CTNNA3: variants seen among roughly 807,000 people sequenced by gnomAD.
CTNNA3 encodes the protein catenin alpha 3, also known as catenin alpha-3.
A neutral mutation model predicts 95.7 loss-of-function variants in CTNNA3; 76 were observed. The observed-to-expected ratio is 0.79, with a 90% CI of 0.66 to 0.96. The LOEUF (loss-of-function observed/expected upper bound fraction) is 0.96. Among genes scored for constraint, CTNNA3 ranks in the 40% least tolerant of loss-of-function variants. The pLI, the probability that CTNNA3 is intolerant of heterozygous loss-of-function variation, is 0.00. For synonymous variants in CTNNA3, 431 were observed against 374.4 expected, an observed-to-expected ratio of 1.15 and a Z score of -1.74; for missense variants, 1,191 against 1,089.8, an observed-to-expected ratio of 1.09 and a Z score of -1.31.
intron 9 of CTNNA3, among the ~76,000 whole-genome samples, chr10:66,746,650 C>T (rs573724910): frequency 6.6e-6 from 1 of 152,300 alleles, no homozygotes; most frequent in South Asian, 2.1e-4. Flanking sequence ...GGTTCACTCA[C>T]TACAATAGGT....
intron 5 of CTNNA3, among the ~76,000 whole-genome samples, chr10:67,478,147 T>G (rs1848088320): frequency 6.6e-6 from 1 of 152,176 alleles, no homozygotes; most frequent in Non-Finnish European, 1.5e-5. Context: ...AAAAAACTAT[T>G]TTTAAAAATG....
At chr10:67,262,515 C>A (rs746055639) in intron 5 of CTNNA3, among the ~76,000 whole-genome samples, 29 of 152,138 alleles carry the variant, frequency 1.9e-4, no homozygotes, top group Non-Finnish European at 3.8e-4. Context: ...AATACTAAAT[C>A]ATAAGGGTAT....
rs534912707 is a variant in CTNNA3, at chr10:66,287,412, T to C, written c.1733-6791A>G. 4.6e-5 allele frequency among the ~76,000 whole-genome samples: 7 copies of C among 152,208 alleles called. 1 individual carries two copies. In the South Asian group the frequency reaches 1.5e-3, roughly 32 times the overall value. On this transcript the variant is annotated intron_variant, in intron 12 of 17. Coordinates refer to ENST00000433211, the MANE Select transcript of CTNNA3 (RefSeq NM_013266.4). ...CTCTCAAAGTATAAACTCTGTCAGG[T>C]CACTTTGTTTCCTCAGGAAAGTAGT...
chr10:65,997,334 C>T lies in CTNNA3; in HGVS notation c.2160-8537G>A, dbSNP rs1245894542. On this transcript the variant is annotated intron_variant, in intron 15 of 17. Transcript: ENST00000433211. ...AAGAAGTACTGAAATGACGTGATAT[C>T]TGTTGATCTAAAATAATCCAGCCAA... 2.6e-5 allele frequency among the ~76,000 whole-genome samples: 4 copies of T among 152,314 alleles called. No individual in the cohort carries two copies. In the South Asian group the frequency reaches 8.3e-4, roughly 32 times the overall value.
chr10:66,190,457 G>T (rs1299074188), intron 13 of CTNNA3, among the ~76,000 whole-genome samples: 2 of 152,090 alleles, frequency 1.3e-5, no homozygotes, highest in Non-Finnish European at 2.9e-5. Flanking sequence ...GAGTGCCATT[G>T]ACATCAGTCT....
At chr10:66,395,418 G>A (rs932201570) in intron 11 of CTNNA3, among the ~76,000 whole-genome samples, 3 of 151,742 alleles carry the variant, frequency 2.0e-5, no homozygotes, top group South Asian at 2.1e-4. Flanking sequence ...TGCCCAAATC[G>A]GTATCATTCA....
intron 10 of CTNNA3, among the ~76,000 whole-genome samples, chr10:66,567,567 CATT>C (rs1842750700): frequency 6.6e-6 from 1 of 151,964 alleles, no homozygotes; most frequent in African/African-American, 2.4e-5. Flanking sequence ...TGCGGTGAAT[CATT>C]ATTGCATCTC....
intron 5 of CTNNA3, among the ~76,000 whole-genome samples, chr10:67,472,320 A>G (rs1847858247): frequency 6.6e-6 from 1 of 152,172 alleles, no homozygotes; most frequent in South Asian, 2.1e-4. Context: ...TATCTGTTCT[A>G]TCTTAGATAA....
chr10:66,484,398 T>C (rs1257889982), intron 11 of CTNNA3, among the ~76,000 whole-genome samples: 2 of 152,006 alleles, frequency 1.3e-5, no homozygotes, highest in African/African-American at 2.4e-5. Context: ...GTTTACAAAA[T>C]TTCATTTTTT....
At chr10:67,310,784 C>G (rs1380275216) in intron 5 of CTNNA3, among the ~76,000 whole-genome samples, 1 of 152,096 alleles carries the variant, frequency 6.6e-6, no homozygotes, top group Non-Finnish European at 1.5e-5. Context: ...AGGGTAACTG[C>G]CCCCATGATT....
At chr10:66,621,864 G>A in intron 9 of CTNNA3, 80 bp from the exon 10 acceptor site, 2 of 663,754 alleles carry the variant, frequency 3.0e-6, no homozygotes, top group South Asian at 5.0e-5. Context: ...ACAAGAACAT[G>A]TACACATTCA....
chr10:66,615,375 C>A (rs1019895486), intron 10 of CTNNA3, among the ~76,000 whole-genome samples: 4 of 151,930 alleles, frequency 2.6e-5, no homozygotes, highest in Non-Finnish European at 5.9e-5. Flanking sequence ...CCCCATATCA[C>A]GCTACTGACT....
At chr10:67,325,307 T>A (rs1356604696) in intron 5 of CTNNA3, among the ~76,000 whole-genome samples, 2 of 152,194 alleles carry the variant, frequency 1.3e-5, no homozygotes, top group Non-Finnish European at 1.5e-5. Context: ...GTTCTCTAGT[T>A]CTTTTAGTTG....
In CTNNA3 at chr10:67,413,083, G is replaced by A. The variant is rs186119133; in HGVS notation, c.579+108759C>T. 1.1e-3 allele frequency among the ~76,000 whole-genome samples: 162 copies of A among 152,194 alleles called. 1 individual carries two copies. The highest frequency in any genetic ancestry group is 3.8e-3 in the African/African-American group (157 of 41,546). On this transcript the variant is annotated intron_variant, in intron 5 of 17. Transcript: ENST00000433211. ...TAAAAAGACAAGACCCAACCAATCT[G>A]TTGTTTTCAAGAGACCCATCTTACA...
intron 9 of CTNNA3, among the ~76,000 whole-genome samples, chr10:66,677,275 G>C (rs1171695252): frequency 2.0e-5 from 3 of 152,000 alleles, no homozygotes; most frequent in Non-Finnish European, 2.9e-5. Flanking sequence ...CACACTAAAG[G>C]AGTGCTTCTC....
At chr10:66,348,022 C>A (rs970836618) in intron 12 of CTNNA3, among the ~76,000 whole-genome samples, 1 of 152,046 alleles carries the variant, frequency 6.6e-6, no homozygotes, top group Non-Finnish European at 1.5e-5. Flanking sequence ...CGCACTTAGA[C>A]ACACCTTAGT....
chr10:65,960,471 G>A (rs1384340643), intron 17 of CTNNA3, among the ~76,000 whole-genome samples: 1 of 152,040 alleles, frequency 6.6e-6, no homozygotes, highest in Non-Finnish European at 1.5e-5. Flanking sequence ...CTTGCAGTGA[G>A]CCGAGATCAC....
intron 15 of CTNNA3, among the ~76,000 whole-genome samples, chr10:66,020,150 A>G (rs1275782086): frequency 6.6e-6 from 1 of 152,252 alleles, no homozygotes; most frequent in Non-Finnish European, 1.5e-5. Flanking sequence ...AATAACAGCA[A>G]AACAAATTCC....
chr10:66,729,627 T>C (rs917222436), intron 9 of CTNNA3, among the ~76,000 whole-genome samples: 7 of 152,096 alleles, frequency 4.6e-5, no homozygotes, highest in Non-Finnish European at 4.4e-5. Context: ...ACAGTGAACT[T>C]TGGGGACTCA....
Sources: allele counts gnomAD v4.1 joint callset (sites outside exome capture counted in the v4.1 genomes callset), GRCh38; gene constraint gnomAD v4.1.1; transcripts MANE v1.5; gene names NCBI Gene and HGNC (gene_info 2026-07-23, HGNC 2026-07-21).